PCDH15: variants seen among roughly 807,000 people sequenced by gnomAD.
PCDH15 encodes protocadherin-15.
Under a neutral mutation model 178.5 loss-of-function variants are expected in PCDH15, and 129 were observed. That is an observed-to-expected ratio of 0.72 (90% CI 0.63 to 0.84). The LOEUF (loss-of-function observed/expected upper bound fraction) is 0.84, where lower values mean the gene tolerates loss of function less well. Ranked by LOEUF, PCDH15 falls within the 40% of genes least tolerant of loss-of-function variation. The pLI is 0.00. For synonymous variants in PCDH15, 800 were observed against 732.0 expected, an observed-to-expected ratio of 1.09 and a Z score of -1.50; for missense variants, 2,230 against 2,099.9, an observed-to-expected ratio of 1.06 and a Z score of -1.21.
chr10:55,103,784 A>G (rs1222003206), intron 2 of PCDH15, among the ~76,000 whole-genome samples: 1 of 152,116 alleles, frequency 6.6e-6, no homozygotes. Context: ...AGGGACAAGT[A>G]GACCACTTGA....
intron 1 of PCDH15, among the ~76,000 whole-genome samples, chr10:55,228,197 A>G (rs1206779232): frequency 6.6e-6 from 1 of 152,138 alleles, no homozygotes; most frequent in African/African-American, 2.4e-5. Context: ...ATCATGTTGC[A>G]TACATCATGC....
intron 1 of PCDH15, among the ~76,000 whole-genome samples, chr10:55,191,645 G>A (rs931491785): frequency 2.0e-5 from 3 of 151,834 alleles, no homozygotes; most frequent in African/African-American, 4.8e-5. Flanking sequence ...ATGAAATCAC[G>A]TGACTAATTA....
At position 55,285,932 on chromosome 10, in the gene PCDH15, C is replaced by G. The variant is rs1002633236; in HGVS notation, c.-156+33667G>C. 2.6e-5 allele frequency among the ~76,000 whole-genome samples: 4 copies of G among 151,970 alleles called. No individual in the cohort carries two copies. In the East Asian group the frequency reaches 7.7e-4, roughly 29 times the overall value. On this transcript the variant is annotated intron_variant, in intron 1 of 5. Transcript: ENST00000458638. ...AGTGAAGCATATACTGATATTTAAC[C>G]TAAATTTGAGTACAGATACACTTGT...
chr10:54,546,011 T>C (rs1846290513), intron 2 of PCDH15, among the ~76,000 whole-genome samples: 1 of 152,176 alleles, frequency 6.6e-6, no homozygotes, highest in Non-Finnish European at 1.5e-5. Flanking sequence ...GTATGGTTCT[T>C]TGGGGGCAGC....
intron 1 of PCDH15, among the ~76,000 whole-genome samples, chr10:54,676,483 G>T (rs2094792730): frequency 6.6e-6 from 1 of 151,932 alleles, no homozygotes; most frequent in Admixed American, 6.6e-5. Flanking sequence ...TTGTTGAAAT[G>T]ACTAAATTAA....
chr10:54,358,321 A>T (rs1945389394), intron 5 of PCDH15, among the ~76,000 whole-genome samples: 1 of 152,072 alleles, frequency 6.6e-6, no homozygotes, highest in East Asian at 1.9e-4. Context: ...ATTTACAAGA[A>T]AAAAACAACC....
chr10:54,091,763 A>G (rs985407985), intron 15 of PCDH15, among the ~76,000 whole-genome samples: 9 of 152,142 alleles, frequency 5.9e-5, no homozygotes, highest in African/African-American at 1.9e-4. Context: ...CACATTATCA[A>G]TGGTAGTTCC....
chr10:54,031,258 T>A (rs1283781626), intron 18 of PCDH15, among the ~76,000 whole-genome samples: 1 of 152,014 alleles, frequency 6.6e-6, no homozygotes, highest in African/African-American at 2.4e-5. Flanking sequence ...TTGTTTGTTT[T>A]TATTTTCCCC....
At chr10:54,674,074 G>T (rs1311889167) in intron 1 of PCDH15, among the ~76,000 whole-genome samples, 5 of 152,092 alleles carry the variant, frequency 3.3e-5, no homozygotes, top group African/African-American at 1.2e-4. Flanking sequence ...TCTAACCAGA[G>T]ATCATAAAGT....
intron 2 of PCDH15, among the ~76,000 whole-genome samples, chr10:54,584,450 A>C (rs1488294371): frequency 6.6e-6 from 1 of 152,048 alleles, no homozygotes; most frequent in African/African-American, 2.4e-5. Context: ...AAACACTCTC[A>C]ATAGTTTTTT....
chr10:53,926,400 CTTAA>C (rs1430744650), intron 25 of PCDH15, among the ~76,000 whole-genome samples: 9 of 152,228 alleles, frequency 5.9e-5, no homozygotes, highest in East Asian at 5.8e-4. Context: ...TTCCAGATAT[CTTAA>C]TTAAGTAGGT....
intron 2 of PCDH15, among the ~76,000 whole-genome samples, chr10:55,511,051 G>T (rs539649902): frequency 0.017 from 2,514 of 145,296 alleles, 64 homozygotes; most frequent in African/African-American, 0.06. Context: ...TTGTTTGTTT[G>T]TTTTTTTTTT....
chr10:54,808,285 G>A (rs1303950673), intron 3 of PCDH15, among the ~76,000 whole-genome samples: 1 of 152,120 alleles, frequency 6.6e-6, no homozygotes. Context: ...TCCTCCAAAA[G>A]CAGCCTTAGA....
chr10:54,038,253 T>A (rs1213878311), intron 18 of PCDH15, among the ~76,000 whole-genome samples: 1 of 151,890 alleles, frequency 6.6e-6, no homozygotes, highest in Non-Finnish European at 1.5e-5. Context: ...TTAGATTTTT[T>A]AAAAAAGAGC....
intron 2 of PCDH15, among the ~76,000 whole-genome samples, chr10:54,898,605 C>A (rs68127931): frequency 6.6e-6 from 1 of 151,858 alleles, no homozygotes; most frequent in Non-Finnish European, 1.5e-5. Flanking sequence ...TAAGTACTTA[C>A]TGGAATACTG....
At chr10:54,229,298 C>T (rs1325231778) in intron 9 of PCDH15, among the ~76,000 whole-genome samples, 1 of 152,110 alleles carries the variant, frequency 6.6e-6, no homozygotes, top group East Asian at 1.9e-4. Context: ...TACAATTAAT[C>T]ATTTTCTATG....
intron 3 of PCDH15, among the ~76,000 whole-genome samples, chr10:54,447,725 A>G (rs575288371): frequency 6.6e-6 from 1 of 151,828 alleles, no homozygotes; most frequent in South Asian, 2.1e-4. Context: ...ATTATTTCTT[A>G]GCATAAAAGA....
At chr10:54,423,466 A>G (rs556482447) in intron 3 of PCDH15, among the ~76,000 whole-genome samples, 1 of 152,006 alleles carries the variant, frequency 6.6e-6, no homozygotes, top group African/African-American at 2.4e-5. Context: ...GAAAAGAGAT[A>G]GAAAGAAGAG....
intron 9 of PCDH15, among the ~76,000 whole-genome samples, chr10:54,221,198 G>C (rs1038805946): frequency 6.6e-6 from 1 of 152,022 alleles, no homozygotes; most frequent in Non-Finnish European, 1.5e-5. Context: ...ATAATTATTA[G>C]AGCCAACATA....
Sources: gnomAD v4.1 joint callset for allele counts (sites outside exome capture counted in the v4.1 genomes callset) on GRCh38, gnomAD v4.1.1 for gene constraint, MANE v1.5 for transcripts, NCBI Gene and HGNC (gene_info 2026-07-23, HGNC 2026-07-21) for gene names.